CTNND2: variants seen among roughly 807,000 people sequenced by gnomAD.
The protein encoded by CTNND2 is catenin delta 2.
Under a neutral mutation model 144.4 loss-of-function variants are expected in CTNND2, and 22 were observed. That is an observed-to-expected ratio of 0.15 (90% CI 0.11 to 0.22). The LOEUF (loss-of-function observed/expected upper bound fraction) is 0.22. Among genes scored for constraint, CTNND2 ranks in the 10% least tolerant of loss-of-function variants. The pLI, the probability that CTNND2 is intolerant of heterozygous loss-of-function variation, is 1.00. For missense variants in CTNND2, 1,353 were observed against 1,618.8 expected, an observed-to-expected ratio of 0.84 and a Z score of 2.82; for synonymous variants, 751 against 695.6, an observed-to-expected ratio of 1.08 and a Z score of -1.25.
At chr5:10,990,263 A>G (rs1291179335) in intron 19 of CTNND2, among the ~76,000 whole-genome samples, 1 of 152,170 alleles carries the variant, frequency 6.6e-6, no homozygotes, top group East Asian at 1.9e-4. Flanking sequence ...CTCTGTCCCG[A>G]ATGTGAATCT....
intron 7 of CTNND2, among the ~76,000 whole-genome samples, chr5:11,382,237 G>T (rs1011023087): frequency 2.0e-5 from 3 of 152,174 alleles, no homozygotes; most frequent in African/African-American, 7.2e-5. Flanking sequence ...ACAAGGCCAA[G>T]GATTTTGGCT....
At chr5:11,761,161 C>T (rs1466272377) in intron 1 of CTNND2, among the ~76,000 whole-genome samples, 2 of 152,166 alleles carry the variant, frequency 1.3e-5, no homozygotes, top group African/African-American at 4.8e-5. Flanking sequence ...TCCCTTGTAA[C>T]TGTGTCTGCA....
At chr5:11,312,605 T>C (rs1221217127) in intron 9 of CTNND2, among the ~76,000 whole-genome samples, 2 of 143,764 alleles carry the variant, frequency 1.4e-5, no homozygotes, top group Non-Finnish European at 3.1e-5. Context: ...GGAGATACAA[T>C]TCAAGCTGAG....
chr5:11,620,944 T>C (rs1200264452), intron 2 of CTNND2, among the ~76,000 whole-genome samples: 4 of 152,200 alleles, frequency 2.6e-5, no homozygotes, highest in African/African-American at 4.8e-5. Flanking sequence ...AACACATGAC[T>C]TATTAGCCAA....
chr5:11,276,958 A>G (rs1746602296), intron 9 of CTNND2, among the ~76,000 whole-genome samples: 1 of 152,118 alleles, frequency 6.6e-6, no homozygotes. Context: ...TCGATTTTAG[A>G]CCTCTGGCCT....
intron 9 of CTNND2, among the ~76,000 whole-genome samples, chr5:11,289,365 A>G (rs1258148715): frequency 1.3e-5 from 2 of 152,248 alleles, no homozygotes; most frequent in African/African-American, 2.4e-5. Context: ...GCTACCGAGT[A>G]GCACAGGGGA....
At chr5:11,628,611 C>T (rs1167988586) in intron 2 of CTNND2, among the ~76,000 whole-genome samples, 3 of 152,120 alleles carry the variant, frequency 2.0e-5, no homozygotes, top group South Asian at 2.1e-4. Context: ...TTCCCAAAGC[C>T]GTCTGGGAGT....
At position 11,222,807 on chromosome 5, in the gene CTNND2, A is replaced by T. The variant is rs529658568; in HGVS notation, c.1761+13884T>A. ...GGAGATAGTGAGACCCTGTCTCAAAAAAATAAAAAGGAATAAGCCTGTCCA... is the reference window on the plus strand; with the variant it reads ...GGAGATAGTGAGACCCTGTCTCAAATAAATAAAAAGGAATAAGCCTGTCCA... On this transcript the variant is annotated intron_variant, in intron 10 of 21. Coordinates refer to ENST00000304623, the MANE Select transcript of CTNND2 (RefSeq NM_001332.4). Among the ~76,000 whole-genome samples, 14 of 152,292 alleles carry T rather than the reference A, an allele frequency of 9.2e-5. No individual in the cohort carries two copies. In the South Asian group the frequency reaches 1.7e-3, roughly 18 times the overall value.
chr5:11,484,177 T>C (rs1448151106), intron 3 of CTNND2, among the ~76,000 whole-genome samples: 2 of 152,224 alleles, frequency 1.3e-5, no homozygotes, highest in Admixed American at 1.3e-4. Context: ...CTCCAGGACC[T>C]GTCTGCCCAT....
intron 2 of CTNND2, among the ~76,000 whole-genome samples, chr5:11,721,768 C>T (rs754127374): frequency 9.2e-5 from 14 of 152,210 alleles, no homozygotes; most frequent in Non-Finnish European, 1.6e-4. Flanking sequence ...CTCATGGTGA[C>T]TGGTTTCTAA....
At chr5:11,327,361 G>A (rs1752634306) in intron 9 of CTNND2, among the ~76,000 whole-genome samples, 1 of 152,194 alleles carries the variant, frequency 6.6e-6, no homozygotes, top group South Asian at 2.1e-4. Context: ...TGGAAAAGGG[G>A]TAAGCATTGT....
intron 11 of CTNND2, among the ~76,000 whole-genome samples, chr5:11,179,648 C>T (rs1054874673): frequency 1.3e-5 from 2 of 152,028 alleles, no homozygotes; most frequent in Non-Finnish European, 2.9e-5. Flanking sequence ...ATTTTCTGAC[C>T]TCCACTTCTA....
In CTNND2 at chr5:11,160,981, A is replaced by G. The variant is rs1758716343; in HGVS notation, c.1976-1222T>C. 1.3e-5 allele frequency among the ~76,000 whole-genome samples: 2 copies of G among 152,250 alleles called. 1 individual carries two copies. Among genetic ancestry groups the G allele is most frequent in the South Asian group, 4.1e-4 (2 of 4,832 alleles). Reference sequence around the variant, plus strand: ...TCAATAAAAATGTGACTACAGAGGCAAACTCAACTGTCTTTAGAAATACCA... The same window carrying G: ...TCAATAAAAATGTGACTACAGAGGCGAACTCAACTGTCTTTAGAAATACCA... On this transcript the variant is annotated intron_variant, in intron 11 of 21. Coordinates refer to ENST00000304623, the MANE Select transcript of CTNND2 (RefSeq NM_001332.4).
chr5:11,558,452 A>T (rs902902416), intron 3 of CTNND2, among the ~76,000 whole-genome samples: 1 of 149,980 alleles, frequency 6.7e-6, no homozygotes, highest in African/African-American at 2.5e-5. Context: ...AGCAGCCTTG[A>T]CCTCTCCGAC....
chr5:11,552,606 T>A (rs116112650), intron 3 of CTNND2, among the ~76,000 whole-genome samples: 1,658 of 152,230 alleles, frequency 0.011, 21 homozygotes, highest in Non-Finnish European at 0.017. Flanking sequence ...GATACAGAAA[T>A]CCAAATGACT....
At chr5:11,752,720 G>A (rs1389069081) in intron 1 of CTNND2, among the ~76,000 whole-genome samples, 2 of 151,600 alleles carry the variant, frequency 1.3e-5, no homozygotes, top group Admixed American at 6.6e-5. Context: ...CTATTTCTGT[G>A]CAGAATGTCA....
intron 2 of CTNND2, among the ~76,000 whole-genome samples, chr5:11,621,645 T>C (rs533062894): frequency 2.0e-5 from 3 of 152,328 alleles, no homozygotes; most frequent in African/African-American, 7.2e-5. Context: ...TGTTTATAGA[T>C]AATATATCAA....
intron 3 of CTNND2, among the ~76,000 whole-genome samples, chr5:11,500,495 C>G (rs1770429900): frequency 6.6e-6 from 1 of 152,176 alleles, no homozygotes; most frequent in African/African-American, 2.4e-5. Context: ...ATGTTGACTT[C>G]TAGCCAATTT....
At chr5:11,186,937 A>AATACTGACGGTACG (rs1735687686) in intron 11 of CTNND2, among the ~76,000 whole-genome samples, 1 of 152,184 alleles carries the variant, frequency 6.6e-6, no homozygotes, top group African/African-American at 2.4e-5. Context: ...CAAGGCAATG[A>AATACTGACGGTACG]TAGACTGGAC....
Sources: gnomAD v4.1 joint callset for allele counts (sites outside exome capture counted in the v4.1 genomes callset) on GRCh38, gnomAD v4.1.1 for gene constraint, MANE v1.5 for transcripts, NCBI Gene and HGNC (gene_info 2026-07-23, HGNC 2026-07-21) for gene names.